Variants in CFAP74 observed in about 807,000 individuals in gnomAD.
CFAP74 encodes the protein cilia- and flagella-associated protein 74.
CFAP74 carries 124 observed loss-of-function variants against 188.9 expected under a neutral mutation model. The observed-to-expected ratio is 0.66, with a 90% CI of 0.57 to 0.76. The LOEUF (loss-of-function observed/expected upper bound fraction) is 0.76. Ranked by LOEUF, CFAP74 falls within the 30% of genes least tolerant of loss-of-function variation. The pLI, the probability that CFAP74 is intolerant of heterozygous loss-of-function variation, is 0.00. For synonymous variants in CFAP74, 956 were observed against 916.7 expected (o/e 1.04, Z -0.77); for missense variants, 2,198 against 2,165.2 (o/e 1.02, Z -0.30).
intron 6 of CFAP74, among the ~76,000 whole-genome samples, chr1:1,974,693 T>G (rs1656324567): frequency 6.6e-6 from 1 of 152,262 alleles, no homozygotes; most frequent in Non-Finnish European, 1.5e-5. Context: ...ACAGGGGACC[T>G]GCCTGACCCC....
intron 25 of CFAP74, among the ~76,000 whole-genome samples, chr1:1,937,833 G>A (rs1653004497): frequency 6.9e-6 from 1 of 144,084 alleles, no homozygotes; most frequent in South Asian, 2.2e-4. Flanking sequence ...AGCACGCAGG[G>A]ATTTACAACA....
chr1:1,936,021 C>T (rs1652865287), intron 25 of CFAP74, among the ~76,000 whole-genome samples: 1 of 149,546 alleles, frequency 6.7e-6, no homozygotes, highest in Admixed American at 6.7e-5. Context: ...AGTTTGAAAC[C>T]AGCCTGACCA....
At chr1:1,938,493 C>CATGCACTCACACACCCCCATAT (rs34050188) in intron 25 of CFAP74, among the ~76,000 whole-genome samples, 7 of 151,684 alleles carry the variant, frequency 4.6e-5, no homozygotes, top group East Asian at 1.9e-4. Flanking sequence ...CACTGACAAA[C>CATGCACTCACACACCCCCATAT]GCACTCACAC....
At position 1,942,009 on chromosome 1, in the gene CFAP74, T is replaced by C; in HGVS notation, c.2615+19A>G. 6.8e-7 allele frequency: 1 copy of C among 1,478,544 alleles called. No individual in the cohort carries two copies. The highest frequency in any genetic ancestry group is 8.9e-7 in the Non-Finnish European group (1 of 1,118,260). The allele number at this position is 1,478,544 out of a possible 1,614,324, so 91.6% of individuals were successfully genotyped here. A position where few individuals can be genotyped will look rare whatever the true frequency, so the allele number is the denominator to read the frequency against. Reference sequence around the variant, plus strand: ...CCTCCCACGTCCTCCTGTCCCGGCCTTGGCGTCCTGGCACCTACCGCGGCA... The same window carrying C: ...CCTCCCACGTCCTCCTGTCCCGGCCCTGGCGTCCTGGCACCTACCGCGGCA... On this transcript the variant is annotated intron_variant, in intron 22 of 38. Transcript: ENST00000682832. The surrounding 1 kb of genome is among the most constrained non-coding windows in gnomAD (Gnocchi z 4.3).
chr1:1,990,547 T>A (rs971369334), intron 2 of CFAP74, among the ~76,000 whole-genome samples: 1 of 152,070 alleles, frequency 6.6e-6, no homozygotes, highest in African/African-American at 2.4e-5. Flanking sequence ...TCAAGGCACG[T>A]CTCAGTAACA....
intron 6 of CFAP74, chr1:1,985,142 G>C (rs962215444): frequency 2.2e-6 from 1 of 461,334 alleles, no homozygotes; most frequent in South Asian, 3.7e-5. Context: ...GAGAAACGAG[G>C]AAAGAGGAAA....
At position 1,923,996 on chromosome 1, in the gene CFAP74, G is replaced by C. The variant is rs1570806712; in HGVS notation, c.4235-67C>G. 1.3e-6 allele frequency: 2 copies of C among 1,524,212 alleles called. No homozygotes were observed. Among genetic ancestry groups the C allele is most frequent in the East Asian group, 4.6e-5 (2 of 43,770 alleles). The allele number at this position is 1,524,212 out of a possible 1,614,324, so 94.4% of individuals were successfully genotyped here. A position where few individuals can be genotyped will look rare whatever the true frequency, so the allele number is the denominator to read the frequency against. Reference sequence around the variant, plus strand: ...AATCACTGTCTGCCCTCCAAGCCTTGCTGCATAGAGCTCTACACCCTGCCC... The same window carrying C: ...AATCACTGTCTGCCCTCCAAGCCTTCCTGCATAGAGCTCTACACCCTGCCC... On this transcript the variant is annotated intron_variant, in intron 34 of 38. Coordinates refer to ENST00000682832, the MANE Select transcript of CFAP74 (RefSeq NM_001304360.2). This position sits in a 1 kb window ranked among gnomAD's most constrained non-coding sequence, Gnocchi z 6.3.
In CFAP74 at chr1:1,928,751, G is replaced by A. The variant is rs151134403; in HGVS notation, c.3387+33C>T. ...TTGTTCCTGCAACAGGCCCTTCCCCGACCTACGCCCCTCCTTCCCGGGCCC... is the reference window on the plus strand; with the variant it reads ...TTGTTCCTGCAACAGGCCCTTCCCCAACCTACGCCCCTCCTTCCCGGGCCC... On this transcript the variant is annotated intron_variant, in intron 27 of 38. Coordinates refer to ENST00000682832, the MANE Select transcript of CFAP74 (RefSeq NM_001304360.2). The A allele has an allele frequency of 2.9e-4, 428 of 1,495,656 alleles. 2 individuals are homozygous for A. The African/African-American group carries it at 5.1e-3, about 18-fold the overall frequency. 92.6% of individuals were successfully genotyped at this position (1,495,656 alleles called of 1,614,324 possible). A position where few individuals can be genotyped will look rare whatever the true frequency, so the allele number is the denominator to read the frequency against.
chr1:1,962,283 C>G (rs1288571425), intron 14 of CFAP74, among the ~76,000 whole-genome samples: 3 of 151,982 alleles, frequency 2.0e-5, no homozygotes, highest in Non-Finnish European at 4.4e-5. Flanking sequence ...CATGACCAGC[C>G]TGGCCAACAT....
chr1:1,963,950 A>T (rs1188302980), intron 13 of CFAP74, 83 bp from the exon 14 acceptor site: 1 of 870,518 alleles, frequency 1.1e-6, no homozygotes. Flanking sequence ...CCTCAAGGTA[A>T]CCGCTGGTGA....
chr1:1,992,897 A>G (rs1385183332), intron 1 of CFAP74, among the ~76,000 whole-genome samples: 2 of 152,086 alleles, frequency 1.3e-5, no homozygotes, highest in African/African-American at 4.8e-5. Flanking sequence ...TGTTGGAACT[A>G]AATAATTTCA....
intron 14 of CFAP74, among the ~76,000 whole-genome samples, chr1:1,962,304 C>A (rs914942052): frequency 6.6e-5 from 10 of 151,636 alleles, no homozygotes; most frequent in Non-Finnish European, 1.3e-4. Context: ...GGTGAAACCC[C>A]GTCTCTACTA....
Position 1,988,937 on chromosome 1 carries a change from T to A in CFAP74, c.104A>T (p.Lys35Ile), listed in dbSNP as rs758746981. Reference protein sequence around the residue: ...DELEDPEFDIKCLLQEAEDDV... With the variant: ...DELEDPEFDIICLLQEAEDDV... ...ATCCTCAGCTTCCTGTAGAAGACAT[T>A]TGATGTCAAACTCCGGATCCTCTAA... The change falls in exon 3 of 39, where the codon AAA becomes ATA. Residue 35 changes from lysine (K) to isoleucine (I), a missense_variant. Lys to Ile is a moderately radical substitution (Grantham distance 102, BLOSUM62 -3). Transcript: ENST00000682832. 6.3e-7 allele frequency: 1 copy of A among 1,589,130 alleles called. No individual in the cohort carries two copies. Among genetic ancestry groups the A allele is most frequent in the African/African-American group, 1.4e-5 (1 of 73,834 alleles).
intron 13 of CFAP74, among the ~76,000 whole-genome samples, chr1:1,964,359 GC>G (rs1655307275): frequency 6.6e-6 from 1 of 152,218 alleles, no homozygotes; most frequent in African/African-American, 2.4e-5. Flanking sequence ...GGCTTTCGGG[GC>G]CACGGCACCC....
chr1:1,995,710 C>A (rs887548747), intron 1 of CFAP74, among the ~76,000 whole-genome samples: 28 of 151,812 alleles, frequency 1.8e-4, no homozygotes, highest in Admixed American at 5.3e-4. Flanking sequence ...GAGATCGAGA[C>A]CATCCTGGCT....
chr1:1,991,766 G>A lies in CFAP74; in HGVS notation c.-19-791C>T, dbSNP rs180788649. ...GTAGAATGCCTGAGATTGGCTGGGCGTGGTGGCTCACACCTGTAATCCCAG... is the reference window on the plus strand; with the variant it reads ...GTAGAATGCCTGAGATTGGCTGGGCATGGTGGCTCACACCTGTAATCCCAG... On this transcript the variant is annotated intron_variant, in intron 1 of 38. Coordinates refer to ENST00000682832, the MANE Select transcript of CFAP74 (RefSeq NM_001304360.2). 7.8e-4 allele frequency among the ~76,000 whole-genome samples: 118 copies of A among 152,218 alleles called. 1 individual carries two copies. The Middle Eastern group carries it at 0.01, about 13-fold the overall frequency.
In CFAP74 at chr1:1,949,719, T is replaced by G. The variant is rs143405200; in HGVS notation, c.2177-2665A>C. 8.8e-4 allele frequency among the ~76,000 whole-genome samples: 134 copies of G among 152,332 alleles called. 2 individuals carry two copies. The East Asian group carries it at 0.024, about 27-fold the overall frequency. ...TATTTTGTCTCTACAGTTTTGCCTT[T>G]TTTTAGCCAAAATATTCTTTTTCTA... On this transcript the variant is annotated intron_variant, in intron 18 of 38. Transcript: ENST00000682832.
At chr1:1,956,418 C>T (rs1413199109) in intron 17 of CFAP74, among the ~76,000 whole-genome samples, 1 of 152,174 alleles carries the variant, frequency 6.6e-6, no homozygotes, top group East Asian at 1.9e-4. Context: ...GCTGCTGCTG[C>T]CCCTGAGGCC....
chr1:1,995,626 C>A (rs1010949224), intron 1 of CFAP74, among the ~76,000 whole-genome samples: 4 of 151,926 alleles, frequency 2.6e-5, no homozygotes, highest in African/African-American at 9.7e-5. Context: ...AAACTAAGAA[C>A]AGGCCGGGCT....
Sources: allele counts gnomAD v4.1 joint callset (sites outside exome capture counted in the v4.1 genomes callset), GRCh38; gene constraint gnomAD v4.1.1; non-coding constraint Gnocchi (gnomAD v3.1); transcripts MANE v1.5; gene names NCBI Gene and HGNC (gene_info 2026-07-23, HGNC 2026-07-21).